The following GRID2 variants were observed in gnomAD, a reference collection of about 807,000 sequenced individuals.
The protein encoded by GRID2 is glutamate receptor ionotropic, delta-2.
A neutral mutation model predicts 114.8 loss-of-function variants in GRID2; 33 were observed. The ratio of observed to expected loss-of-function variants is 0.29; its 90% CI spans 0.22 to 0.38. The LOEUF (loss-of-function observed/expected upper bound fraction) is 0.38, where lower values mean the gene tolerates loss of function less well. Among genes scored for constraint, GRID2 ranks in the 10% least tolerant of loss-of-function variants. The probability of loss-of-function intolerance (pLI) is 1.00; values close to 1 mark genes in which losing one functional copy is unlikely to be tolerated. For missense variants in GRID2, 1,184 were observed against 1,257.7 expected (o/e 0.94, Z 0.89); for synonymous variants, 505 against 449.9 (o/e 1.12, Z -1.55).
chr4:93,738,272 T>A (rs1311080108), intron 14 of GRID2, among the ~76,000 whole-genome samples: 1 of 152,146 alleles, frequency 6.6e-6, no homozygotes, highest in African/African-American at 2.4e-5. Flanking sequence ...TATCAAGGAC[T>A]TTATATTTTT....
intron 9 of GRID2, among the ~76,000 whole-genome samples, chr4:93,421,674 A>G (rs970690533): frequency 6.6e-6 from 1 of 152,166 alleles, no homozygotes; most frequent in East Asian, 1.9e-4. Flanking sequence ...GACCCTGAAC[A>G]ATTACAAAAT....
At chr4:92,646,746 C>A (rs1335413782) in intron 2 of GRID2, among the ~76,000 whole-genome samples, 1 of 152,220 alleles carries the variant, frequency 6.6e-6, no homozygotes, top group Admixed American at 6.5e-5. Flanking sequence ...ACATAAGTAT[C>A]CTTGAGGGAA....
chr4:92,842,306 C>T (rs1180388899), intron 2 of GRID2, among the ~76,000 whole-genome samples: 2 of 152,016 alleles, frequency 1.3e-5, no homozygotes, highest in Non-Finnish European at 2.9e-5. Flanking sequence ...AAAGCAGAGA[C>T]GGCATGCCTG....
At chr4:92,342,192 C>T (rs1051822252) in intron 1 of GRID2, among the ~76,000 whole-genome samples, 5 of 151,658 alleles carry the variant, frequency 3.3e-5, no homozygotes, top group African/African-American at 9.7e-5. Context: ...TATATATACA[C>T]CCATAAATAT....
intron 14 of GRID2, among the ~76,000 whole-genome samples, chr4:93,690,221 G>A (rs1198438973): frequency 1.3e-5 from 2 of 151,816 alleles, no homozygotes; most frequent in East Asian, 3.9e-4. Flanking sequence ...CAACCTTGTG[G>A]GGGTACATAC....
At chr4:93,150,143 A>C (rs891495130) in intron 4 of GRID2, among the ~76,000 whole-genome samples, 1 of 152,154 alleles carries the variant, frequency 6.6e-6, no homozygotes, top group African/African-American at 2.4e-5. Flanking sequence ...TCATCTGGTC[A>C]GTTAATGTGA....
chr4:93,613,836 C>T (rs567531376), intron 13 of GRID2, among the ~76,000 whole-genome samples: 30 of 151,952 alleles, frequency 2.0e-4, no homozygotes, highest in African/African-American at 6.3e-4. Context: ...GTGGTGGGCT[C>T]CACCCAGTTC....
chr4:93,747,231 G>T (rs142150320), intron 14 of GRID2, among the ~76,000 whole-genome samples: 1,558 of 152,060 alleles, frequency 0.01, 31 homozygotes, highest in African/African-American at 0.036. Context: ...ATACTGCTTT[G>T]CTTAGTTCAA....
chr4:93,020,413 T>G (rs1171878331), intron 2 of GRID2, among the ~76,000 whole-genome samples: 3 of 152,130 alleles, frequency 2.0e-5, no homozygotes, highest in African/African-American at 7.2e-5. Flanking sequence ...CAGTTATTAA[T>G]TAATAACATG....
chr4:93,224,814 T>A, intron 7 of GRID2, 39 bp downstream of exon 7: 1 of 1,411,644 alleles, frequency 7.1e-7, no homozygotes. Flanking sequence ...ATATGGTAAA[T>A]AATTATTTGA....
At chr4:93,644,748 G>T (rs527237100) in intron 14 of GRID2, among the ~76,000 whole-genome samples, 45 of 152,268 alleles carry the variant, frequency 3.0e-4, no homozygotes, top group African/African-American at 1.1e-3. Context: ...CATTAAGGTA[G>T]ATGAGAAAAT....
chr4:93,778,252 G>A (rs1345219105), downstream of GRID2, among the ~76,000 whole-genome samples: 2 of 151,970 alleles, frequency 1.3e-5, no homozygotes, highest in African/African-American at 4.8e-5. Context: ...TCCAAAATTA[G>A]GTTGACTTTA....
intron 14 of GRID2, among the ~76,000 whole-genome samples, chr4:93,685,706 T>A (rs911267941): frequency 6.6e-6 from 1 of 152,076 alleles, no homozygotes; most frequent in Admixed American, 6.6e-5. Context: ...TCCAATTCTC[T>A]GCTTCCCATC....
intron 8 of GRID2, among the ~76,000 whole-genome samples, chr4:93,354,929 CT>C (rs200130205): frequency 0.044 from 6,628 of 149,252 alleles, 175 homozygotes; most frequent in South Asian, 0.067. Context: ...TGGTTGCCCC[CT>C]GAGTGTGTGA....
intron 2 of GRID2, among the ~76,000 whole-genome samples, chr4:92,610,489 A>G (rs562400045): frequency 1.3e-5 from 2 of 151,652 alleles, no homozygotes; most frequent in Non-Finnish European, 3.0e-5. Flanking sequence ...AGGATATCCA[A>G]TTCTGAGAAC....
chr4:92,510,849 T>C (rs1472123491), intron 1 of GRID2, among the ~76,000 whole-genome samples: 2 of 115,158 alleles, frequency 1.7e-5, no homozygotes, highest in African/African-American at 5.5e-5. Flanking sequence ...ACAATTACAA[T>C]GTGTCAATTA....
At chr4:92,688,811 A>G (rs1466917439) in intron 2 of GRID2, among the ~76,000 whole-genome samples, 1 of 152,170 alleles carries the variant, frequency 6.6e-6, no homozygotes, top group African/African-American at 2.4e-5. Flanking sequence ...TGGTATCTAG[A>G]ATGGTGAAAT....
chr4:93,239,768 TC>T (rs1747265878), intron 8 of GRID2, among the ~76,000 whole-genome samples: 2 of 151,726 alleles, frequency 1.3e-5, no homozygotes, highest in African/African-American at 4.8e-5. Context: ...CGTCAGACCA[TC>T]CTTGTCAATA....
chr4:93,371,904 C>T (rs543498872), intron 8 of GRID2, among the ~76,000 whole-genome samples: 1 of 151,800 alleles, frequency 6.6e-6, no homozygotes, highest in South Asian at 2.1e-4. Flanking sequence ...CCCACCACCA[C>T]ACCCGGCTAA....
Sources: gnomAD v4.1 joint callset for allele counts (sites outside exome capture counted in the v4.1 genomes callset) on GRCh38, gnomAD v4.1.1 for gene constraint, MANE v1.5 for transcripts, NCBI Gene and HGNC (gene_info 2026-07-23, HGNC 2026-07-21) for gene names.